Variants in DKK3 observed in about 807,000 individuals in gnomAD.
The protein encoded by DKK3 is dickkopf-related protein 3.
In DKK3, 22 loss-of-function variants were observed where a neutral mutation model predicts 33.2. The ratio of observed to expected loss-of-function variants is 0.66; its 90% CI spans 0.47 to 0.95. DKK3 has a LOEUF of 0.95. Among genes scored for constraint, DKK3 ranks in the 40% least tolerant of loss-of-function variants. The pLI is 0.00. For synonymous variants in DKK3, 194 were observed against 188.8 expected, an observed-to-expected ratio of 1.03 and a Z score of -0.23; for missense variants, 398 against 458.4, an observed-to-expected ratio of 0.87 and a Z score of 1.20.
At chr11:11,992,266 T>C (rs7116879) in intron 3 of DKK3, among the ~76,000 whole-genome samples, 28,916 of 152,162 alleles carry the variant, frequency 0.19, 3,118 homozygotes, top group South Asian at 0.3. Flanking sequence ...GGTACTGTTA[T>C]TAAGCCCATT....
chr11:12,008,482 G>A lies in DKK3; in HGVS notation c.101C>T (p.Pro34Leu), dbSNP rs756350349. ...CTGCGGGTAGCTGAGAGCCGGGCCG[G>A]GCTTGACTGGAGCCGAGGTCGCCGT... The part of the protein sequence containing the change: ...APTATSAPVK[P>L]GPALSYPQEE... The change falls in exon 1 of 7, where the codon CCC (proline) becomes CTC (leucine). Residue 34 changes from proline to leucine, a missense_variant. By Grantham distance (98) the Pro-to-Leu change is moderately conservative (BLOSUM62 -3). Transcript: ENST00000683431. The surrounding 1 kb of genome is among the most constrained non-coding windows in gnomAD (Gnocchi z 4.6). 3 of 1,605,274 alleles carry A rather than the reference G, an allele frequency of 1.9e-6. No individual in the cohort carries two copies. Among genetic ancestry groups the A allele is most frequent in the Non-Finnish European group, 1.7e-6 (2 of 1,178,824 alleles).
chr11:12,007,117 G>T (rs1039612400), intron 1 of DKK3, among the ~76,000 whole-genome samples: 2 of 152,334 alleles, frequency 1.3e-5, no homozygotes, highest in African/African-American at 4.8e-5. Context: ...TCCCAAGCCA[G>T]TGTCCCCTTC....
intron 3 of DKK3, among the ~76,000 whole-genome samples, chr11:11,969,983 G>A (rs1994842): frequency 0.46 from 69,848 of 152,132 alleles, 16,457 homozygotes; most frequent in Admixed American, 0.6. Flanking sequence ...CAGAGCCCCA[G>A]CGGCCAGAGA....
intron 1 of DKK3, among the ~76,000 whole-genome samples, chr11:12,004,761 C>T (rs920092118): frequency 1.8e-4 from 28 of 152,202 alleles, no homozygotes; most frequent in Admixed American, 2.0e-4. Flanking sequence ...CTATCTGCCA[C>T]ACAGCAAAGA....
At chr11:11,964,851 T>C in intron 6 of DKK3, 165 bp from the exon 7 acceptor site, 1 of 1,399,248 alleles carries the variant, frequency 7.1e-7, no homozygotes, top group Non-Finnish European at 9.5e-7. Flanking sequence ...TATCTTAAAA[T>C]GATGGCTGAG....
intron 3 of DKK3, among the ~76,000 whole-genome samples, chr11:11,993,976 T>C (rs1178286374): frequency 6.6e-6 from 1 of 151,864 alleles, no homozygotes. Flanking sequence ...AACCTAGACA[T>C]ATAGGACAGG....
intron 1 of DKK3, among the ~76,000 whole-genome samples, chr11:12,007,391 A>C (rs1848559400): frequency 6.6e-6 from 1 of 152,092 alleles, no homozygotes; most frequent in African/African-American, 2.4e-5. Context: ...GATTGGGCCC[A>C]ACAGCGCCCT....
intron 4 of DKK3, 119 bp from the exon 5 acceptor site, chr11:11,967,217 A>T: frequency 7.9e-7 from 1 of 1,270,740 alleles, no homozygotes; most frequent in Non-Finnish European, 1.1e-6. Context: ...AGAGACAGGC[A>T]GACCAGGCTG....
At chr11:11,991,434 A>C (rs1848185565) in intron 3 of DKK3, among the ~76,000 whole-genome samples, 1 of 152,172 alleles carries the variant, frequency 6.6e-6, no homozygotes, top group South Asian at 2.1e-4. Flanking sequence ...GATTGTTAAA[A>C]AGAGGCTGGA....
chr11:11,990,003 ATGT>A (rs1848155316), intron 3 of DKK3, among the ~76,000 whole-genome samples: 1 of 152,224 alleles, frequency 6.6e-6, no homozygotes, highest in Non-Finnish European at 1.5e-5. Context: ...ATACTGGGAC[ATGT>A]TGTAGCCCTT....
intron 4 of DKK3, 86 bp downstream of exon 4, chr11:11,968,309 C>T (rs527683833): frequency 5.4e-6 from 7 of 1,295,898 alleles, no homozygotes; most frequent in Non-Finnish European, 6.4e-6. Flanking sequence ...CTGGGAAGCC[C>T]AGCTGAGAAC....
chr11:11,996,753 A>T (rs377661158), intron 3 of DKK3, among the ~76,000 whole-genome samples: 15 of 152,064 alleles, frequency 9.9e-5, no homozygotes, highest in African/African-American at 3.1e-4. Flanking sequence ...CCCCTCAACC[A>T]CCTGCATTCT....
intron 3 of DKK3, among the ~76,000 whole-genome samples, chr11:11,977,562 T>G (rs1275431913): frequency 6.6e-6 from 1 of 152,210 alleles, no homozygotes; most frequent in Non-Finnish European, 1.5e-5. Context: ...TTGGCAGCCG[T>G]TGGGAGAGCC....
At chr11:11,997,740 G>A (rs1223791061) in intron 3 of DKK3, among the ~76,000 whole-genome samples, 5 of 152,120 alleles carry the variant, frequency 3.3e-5, no homozygotes, top group East Asian at 3.9e-4. Context: ...TGTAAAAGTC[G>A]GCCAGCTCCC....
At chr11:12,003,380 C>A (rs1309252209) in intron 1 of DKK3, among the ~76,000 whole-genome samples, 1 of 152,118 alleles carries the variant, frequency 6.6e-6, no homozygotes, top group African/African-American at 2.4e-5. Flanking sequence ...GGGTCCACAC[C>A]CCTTCTGGTT....
chr11:12,006,738 T>C (rs1848544355), intron 1 of DKK3, among the ~76,000 whole-genome samples: 1 of 152,186 alleles, frequency 6.6e-6, no homozygotes, highest in South Asian at 2.1e-4. Flanking sequence ...GAAGAGGCCC[T>C]TGCTGCTCTC....
At chr11:11,973,257 AG>A (rs1474054978) in intron 3 of DKK3, among the ~76,000 whole-genome samples, 2 of 152,212 alleles carry the variant, frequency 1.3e-5, no homozygotes, top group Non-Finnish European at 2.9e-5. Context: ...ATCTGCCCAG[AG>A]GTCACCCAGC....
intron 4 of DKK3, 43 bp from the exon 5 acceptor site, chr11:11,967,141 C>T (rs1847617278): frequency 1.3e-6 from 2 of 1,599,170 alleles, no homozygotes; most frequent in South Asian, 2.3e-5. Context: ...GGCTTAGGGA[C>T]TGGGGGCCTG....
chr11:11,991,972 G>T (rs1030706070), intron 3 of DKK3, among the ~76,000 whole-genome samples: 1 of 152,130 alleles, frequency 6.6e-6, no homozygotes, highest in African/African-American at 2.4e-5. Context: ...ATATTGTAAT[G>T]ACTTGTTTAT....
Sources: allele counts gnomAD v4.1 joint callset (sites outside exome capture counted in the v4.1 genomes callset), GRCh38; gene constraint gnomAD v4.1.1; non-coding constraint Gnocchi (gnomAD v3.1); transcripts MANE v1.5; gene names NCBI Gene and HGNC (gene_info 2026-07-23, HGNC 2026-07-21).